MAFK: variants seen among roughly 807,000 people sequenced by gnomAD.
MAFK encodes MAF bZIP transcription factor K, also known as transcription factor MafK.
A neutral mutation model predicts 9.2 loss-of-function variants in MAFK; 1 was observed. The observed-to-expected ratio is 0.11, with a 90% confidence interval of 0.04 to 0.52. The LOEUF is 0.52. MAFK is among the 20% of genes least tolerant of loss of function. The probability of loss-of-function intolerance (pLI) is 0.94; values close to 1 mark genes in which losing one functional copy is unlikely to be tolerated. For missense variants in MAFK, 207 were observed against 236.0 expected (o/e 0.88, Z 0.81); for synonymous variants, 110 against 107.4 (o/e 1.02, Z -0.15).
In MAFK at chr7:1,537,190, G is replaced by A. The variant is rs748125211; in HGVS notation, c.-44-1959G>A. Among the ~76,000 whole-genome samples, 59 of 152,252 alleles carry A rather than the reference G, an allele frequency of 3.9e-4. 2 individuals carry two copies. The highest frequency in any genetic ancestry group is 5.9e-5 in the Non-Finnish European group (4 of 68,044). On this transcript the variant is annotated intron_variant, in intron 1 of 2. Transcript: ENST00000343242. ...AACTCTGCCCCTGGCATCTGGCCGA[G>A]CCCCACACGTCACCGTGGGTCTGGC... is the stretch of plus-strand genomic sequence containing the variant.
In MAFK at chr7:1,530,870, G is replaced by GCGCGCC. The variant is rs916822532; in HGVS notation, c.-65_-60dup. 5 of 140,536 alleles carry GCGCGCC rather than the reference G, an allele frequency of 3.6e-5. No individual in the cohort carries two copies. The highest frequency in any genetic ancestry group is 1.3e-4 in the African/African-American group (5 of 39,582). 8.7% of individuals were successfully genotyped at this position (140,536 alleles called of 1,614,324 possible). Reference sequence around the variant, plus strand: ...CAGCGCGTGCCCGCGAGGAGCCGCCGCGCGCCCGCGCCCTCCGCGCGACGC... The same window carrying GCGCGCC: ...CAGCGCGTGCCCGCGAGGAGCCGCCGCGCGCCCGCGCCCGCGCCCTCCGCGCGACGC... On this transcript the variant is annotated 5_prime_UTR_variant, in exon 1 of 3. Transcript: ENST00000343242.
Position 1,540,416 on chromosome 7 carries a change from GCA to G in MAFK, c.*42_*43del. The G allele has an allele frequency of 7.4e-6, 3 of 402,790 alleles. No individual in the cohort carries two copies. The highest frequency in any genetic ancestry group is 1.4e-5 in the Non-Finnish European group (3 of 212,012). 25.0% of individuals were successfully genotyped at this position (402,790 alleles called of 1,614,324 possible). ...GGGGGTGGCGGGCGGCGGGCGGCGG[GCA>G]GGCGGGTGGGGGCACACCCCTCGTA... On this transcript the variant is annotated 3_prime_UTR_variant, in exon 3 of 3. Coordinates refer to ENST00000343242, the MANE Select transcript of MAFK (RefSeq NM_002360.4).
rs144212503 is a variant in MAFK, at chr7:1,533,666, C to T, written c.-45+2768C>T. The stretch of plus-strand genomic sequence containing the variant: ...GGTCCAGACAGGAGACGCTGGAGGC[C>T]GGAGCCTGGGCAGGTGCTGTGGGTT... On this transcript the variant is annotated intron_variant, in intron 1 of 2. Coordinates refer to ENST00000343242, the MANE Select transcript of MAFK (RefSeq NM_002360.4). Among the ~76,000 whole-genome samples the T allele has an allele frequency of 3.0e-3, 454 of 152,094 alleles. 1 individual carries two copies. Among genetic ancestry groups the T allele is most frequent in the African/African-American group, 0.011 (436 of 41,508 alleles).
In MAFK at chr7:1,537,736, G is replaced by A. The variant is rs376021195; in HGVS notation, c.-44-1413G>A. 25 of 982,894 alleles carry A rather than the reference G, an allele frequency of 2.5e-5. No individual in the cohort carries two copies. In the East Asian group the frequency reaches 1.0e-3, roughly 40 times the overall value. The allele number at this position is 982,894 out of a possible 1,614,324, so 60.9% of individuals were successfully genotyped here. A position where few individuals can be genotyped will look rare whatever the true frequency, so the allele number is the denominator to read the frequency against. ...CTTGTTGTGGGGGTTTGTGGGTTGC[G>A]GGGGTGGGGCCCCCATCGGAGGCAG... On this transcript the variant is annotated intron_variant, in intron 1 of 2. Coordinates refer to ENST00000343242, the MANE Select transcript of MAFK (RefSeq NM_002360.4).
At position 1,542,233 on chromosome 7, in the gene MAFK, T is replaced by C. The variant is rs1784209423; in HGVS notation, c.*1858T>C. 6.6e-6 allele frequency: 1 copy of C among 152,578 alleles called. No individual in the cohort carries two copies. The highest frequency in any genetic ancestry group is 2.4e-5 in the African/African-American group (1 of 41,456). The allele number at this position is 152,578 out of a possible 1,614,324, so 9.5% of individuals were successfully genotyped here. On this transcript the variant is annotated 3_prime_UTR_variant, in exon 3 of 3. Transcript: ENST00000343242. ...TATTTAAAGAGAGAAACAGAAAATA[T>C]ATAGAGATATAAAATTATATTCACA...
At chr7:1,531,470 G>C in intron 1 of MAFK, among the ~76,000 whole-genome samples, 1 of 152,150 alleles carries the variant, frequency 6.6e-6, no homozygotes, top group Middle Eastern at 3.2e-3. Context: ...CCCCACAGGC[G>C]GGATCCTGGG....
chr7:1,539,817 G>A lies in MAFK; in HGVS notation c.37-124G>A, dbSNP rs1034142805. On this transcript the variant is annotated intron_variant, in intron 2 of 2. Transcript: ENST00000343242. ...TGTCCTGTGGTCCCTGGTGCGGATG[G>A]CGAAGGCCAGCCCTGAGAGCGCAGG... 5 of 835,022 alleles carry A rather than the reference G, an allele frequency of 6.0e-6. No homozygotes were observed. The African/African-American group carries it at 8.5e-5, about 14-fold the overall frequency. The allele number at this position is 835,022 out of a possible 1,614,324, so 51.7% of individuals were successfully genotyped here.
Position 1,534,117 on chromosome 7 carries a change from G to T in MAFK, c.-45+3219G>T, listed in dbSNP as rs1783968011. 1 of 406,992 alleles carries T rather than the reference G, an allele frequency of 2.5e-6. No homozygotes were observed. Among genetic ancestry groups the T allele is most frequent in the Non-Finnish European group, 5.1e-6 (1 of 194,888 alleles). 25.2% of individuals were successfully genotyped at this position (406,992 alleles called of 1,614,324 possible). A position where few individuals can be genotyped will look rare whatever the true frequency, so the allele number is the denominator to read the frequency against. On this transcript the variant is annotated intron_variant, in intron 1 of 2. Transcript: ENST00000343242. This position sits in a 1 kb window ranked among gnomAD's most constrained non-coding sequence, Gnocchi z 4.3. ...GCTTGCTGGAGGGCAGCCAGCCAGG[G>T]CCAGGCTGCTGGCTGGTATGGGCCG...
intron 2 of MAFK, 127 bp downstream of exon 2, chr7:1,539,355 G>T (rs1178504343): frequency 1.3e-6 from 1 of 743,446 alleles, no homozygotes; most frequent in Non-Finnish European, 2.3e-6. Flanking sequence ...CCAGGAGGAG[G>T]GGGGCTGCTG....
At chr7:1,531,197 TG>T (rs1191611444) in intron 1 of MAFK, among the ~76,000 whole-genome samples, 3 of 145,298 alleles carry the variant, frequency 2.1e-5, no homozygotes, top group Admixed American at 6.8e-5. Flanking sequence ...ACCCCAGACC[TG>T]GGAGGACGAG....
At position 1,542,471 on chromosome 7, in the gene MAFK, T is replaced by TGG. The variant is rs1259723154; in HGVS notation, c.*2099_*2100dup. 1 of 152,340 alleles carries TGG rather than the reference T, an allele frequency of 6.6e-6. No homozygotes were observed. Among genetic ancestry groups the TGG allele is most frequent in the Non-Finnish European group, 1.5e-5 (1 of 68,072 alleles). The allele number at this position is 152,340 out of a possible 1,614,324, so 9.4% of individuals were successfully genotyped here. The stretch of plus-strand genomic sequence containing the variant: ...GCGGGTGGCCGGTTCTGTCCCGTCT[T>TGG]GGGGTTCTTGGTGTCCACGTCTTGT... On this transcript the variant is annotated 3_prime_UTR_variant, in exon 3 of 3. Coordinates refer to ENST00000343242, the MANE Select transcript of MAFK (RefSeq NM_002360.4).
intron 1 of MAFK, chr7:1,537,584 G>A: frequency 1.0e-6 from 1 of 985,548 alleles, no homozygotes; most frequent in Non-Finnish European, 1.2e-6. Context: ...GAGCCCACCT[G>A]GCCGTCCCCG....
At position 1,534,853 on chromosome 7, in the gene MAFK, G is replaced by A. The variant is rs531863784; in HGVS notation, c.-45+3955G>A. On this transcript the variant is annotated intron_variant, in intron 1 of 2. Coordinates refer to ENST00000343242, the MANE Select transcript of MAFK (RefSeq NM_002360.4). This position sits in a 1 kb window ranked among gnomAD's most constrained non-coding sequence, Gnocchi z 4.3. ...TCTATGGGCATCCACAGCCGGGACC[G>A]TTCAGAGGGGTCATCCAGCCGTCAG... The A allele has an allele frequency of 4.8e-4, 156 of 323,198 alleles. 2 individuals are homozygous for A. The highest frequency in any genetic ancestry group is 1.9e-3 in the South Asian group (76 of 40,636). 20.0% of individuals were successfully genotyped at this position (323,198 alleles called of 1,614,324 possible). A position where few individuals can be genotyped will look rare whatever the true frequency, so the allele number is the denominator to read the frequency against.
Position 1,539,956 on chromosome 7 carries a change from G to C in MAFK, c.52G>C (p.Gly18Arg), listed in dbSNP as rs1358466353. 6 of 1,535,792 alleles carry C rather than the reference G, an allele frequency of 3.9e-6. No individual in the cohort carries two copies. ...GGCCCCCCAGGTCAAGAAGGAGGCGGGCGAGAACGCCCCGGTGCTCAGCGA... is the reference window on the plus strand; with the variant it reads ...GGCCCCCCAGGTCAAGAAGGAGGCGCGCGAGAACGCCCCGGTGCTCAGCGA... ...NKALKVKKEA[G>R]ENAPVLSDDE... The change falls in exon 3 of 3, where the codon GGC (glycine) becomes CGC (arginine). Residue 18 changes from glycine (G) to arginine (R), a missense_variant. By Grantham distance (125) the Gly-to-Arg change is moderately radical. Transcript: ENST00000343242.
Position 1,540,256 on chromosome 7 carries a change from G to T in MAFK, c.352G>T (p.Ala118Ser). ...RSKYEALQTF[A>S]RTVARGPVAP... ...CAAGTACGAGGCGCTGCAGACCTTC[G>T]CGCGCACCGTGGCCCGGGGACCTGT... The change falls in exon 3 of 3, where the codon GCG becomes TCG. Residue 118 changes from alanine (A) to serine (S), a missense_variant. Transcript: ENST00000343242. The T allele has an allele frequency of 6.2e-7, 1 of 1,610,026 alleles. No individual in the cohort carries two copies. Among genetic ancestry groups the T allele is most frequent in the Non-Finnish European group, 8.5e-7 (1 of 1,178,856 alleles).
intron 2 of MAFK, 42 bp downstream of exon 2, chr7:1,539,270 T>C (rs2128552265): frequency 6.5e-7 from 1 of 1,542,780 alleles, no homozygotes; most frequent in East Asian, 2.3e-5. Context: ...AGCACAGGCG[T>C]GGGAAAGGCC....
In MAFK at chr7:1,539,222, A is replaced by G; in HGVS notation, c.30A>G (p.Ala10=). Residue 10 remains alanine (A), a synonymous_variant, in exon 2 of 3, where the codon GCA becomes GCG. Coordinates refer to ENST00000343242, the MANE Select transcript of MAFK (RefSeq NM_002360.4). The stretch of plus-strand genomic sequence containing the variant: ...CGACTAATCCCAAACCGAATAAGGC[A>G]TTAAAGGTAAGGCTGGTTCCAAGCA... MTTNPKPNK[A]LKVKKEAGEN... is the part of the protein sequence containing the mutation. 6.2e-7 allele frequency: 1 copy of G among 1,611,370 alleles called. No individual in the cohort carries two copies. The highest frequency in any genetic ancestry group is 1.1e-5 in the South Asian group (1 of 90,724).
chr7:1,534,230 G>A lies in MAFK; in HGVS notation c.-45+3332G>A, dbSNP rs1353890727. 1 of 455,418 alleles carries A rather than the reference G, an allele frequency of 2.2e-6. No individual in the cohort carries two copies. Among genetic ancestry groups the A allele is most frequent in the Non-Finnish European group, 4.4e-6 (1 of 226,404 alleles). 28.2% of individuals were successfully genotyped at this position (455,418 alleles called of 1,614,324 possible). ...GGACAGTGGGGGCCCTCGCAGTGTA[G>A]GACCTCATCCTCAGTAGGAAGGGTG... On this transcript the variant is annotated intron_variant, in intron 1 of 2. Coordinates refer to ENST00000343242, the MANE Select transcript of MAFK (RefSeq NM_002360.4). This position sits in a 1 kb window ranked among gnomAD's most constrained non-coding sequence, Gnocchi z 4.3.
chr7:1,538,148 G>C (rs768553037), intron 1 of MAFK: 2 of 442,816 alleles, frequency 4.5e-6, no homozygotes, highest in African/African-American at 2.1e-5. Flanking sequence ...GGGCTGGCTC[G>C]GTCCCAAGGT....
Sources: allele counts gnomAD v4.1 joint callset (sites outside exome capture counted in the v4.1 genomes callset), GRCh38; gene constraint gnomAD v4.1.1; non-coding constraint Gnocchi (gnomAD v3.1); transcripts MANE v1.5; gene names NCBI Gene and HGNC (gene_info 2026-07-23, HGNC 2026-07-21).